The following DCC variants were observed in gnomAD, a reference collection of about 807,000 sequenced individuals.
DCC encodes the protein DCC netrin 1 receptor.
Under a neutral mutation model 172.5 loss-of-function variants are expected in DCC, and 58 were observed. The ratio of observed to expected loss-of-function variants is 0.34; its 90% CI spans 0.27 to 0.42. DCC has a LOEUF of 0.42. DCC is among the 10% of genes least tolerant of loss of function. DCC has a pLI of 1.00. For synonymous variants in DCC, 709 were observed against 644.5 expected (o/e 1.10, Z -1.52); for missense variants, 1,740 against 1,791.0 (o/e 0.97, Z 0.51).
chr18:53,449,764 T>A (rs1331781206), intron 22 of DCC, among the ~76,000 whole-genome samples: 2 of 152,154 alleles, frequency 1.3e-5, no homozygotes, highest in African/African-American at 2.4e-5. Context: ...TTATGCGCCA[T>A]AAACTCACCC....
At chr18:52,474,165 A>G (rs1989023200) in intron 1 of DCC, among the ~76,000 whole-genome samples, 1 of 151,822 alleles carries the variant, frequency 6.6e-6, no homozygotes, top group South Asian at 2.1e-4. Context: ...TTAAGCAGAA[A>G]AGAAATCACT....
intron 1 of DCC, among the ~76,000 whole-genome samples, chr18:52,499,930 T>C (rs2030954168): frequency 6.6e-6 from 1 of 152,102 alleles, no homozygotes; most frequent in African/African-American, 2.4e-5. Context: ...CTGAATGAAT[T>C]AGGGATAAAT....
intron 15 of DCC, among the ~76,000 whole-genome samples, chr18:53,376,240 C>T (rs1054314542): frequency 2.0e-5 from 3 of 151,900 alleles, no homozygotes; most frequent in Admixed American, 6.6e-5. Flanking sequence ...GAAAATCAGC[C>T]GGGCGTGTTG....
chr18:53,246,539 T>A (rs1266034111), intron 12 of DCC, among the ~76,000 whole-genome samples: 5 of 150,742 alleles, frequency 3.3e-5, no homozygotes, highest in Admixed American at 6.6e-5. Flanking sequence ...AAAAAACAGG[T>A]GAATTAAAAG....
intron 1 of DCC, among the ~76,000 whole-genome samples, chr18:52,427,047 A>T (rs1207540620): frequency 6.6e-6 from 1 of 152,132 alleles, no homozygotes; most frequent in African/African-American, 2.4e-5. Context: ...CATGTTCAAG[A>T]TCATAGAACA....
chr18:52,513,781 G>C (rs185465370), intron 1 of DCC, among the ~76,000 whole-genome samples: 148 of 152,220 alleles, frequency 9.7e-4, no homozygotes, highest in Admixed American at 1.6e-3. Flanking sequence ...TCCTCAGTCT[G>C]CTATTAAATA....
intron 1 of DCC, among the ~76,000 whole-genome samples, chr18:52,514,858 T>C (rs938462034): frequency 6.6e-6 from 1 of 152,172 alleles, no homozygotes; most frequent in African/African-American, 2.4e-5. Context: ...ACCCTATCAG[T>C]AAAAATGTTT....
At chr18:52,629,523 A>G (rs1023057313) in intron 1 of DCC, among the ~76,000 whole-genome samples, 1 of 152,182 alleles carries the variant, frequency 6.6e-6, no homozygotes, top group Non-Finnish European at 1.5e-5. Context: ...TAATTTAACA[A>G]GTAAGAGAGG....
chr18:53,166,542 T>C (rs2054924895), intron 8 of DCC, among the ~76,000 whole-genome samples: 1 of 152,142 alleles, frequency 6.6e-6, no homozygotes, highest in East Asian at 1.9e-4. Flanking sequence ...AAAATAAGAA[T>C]TTGAAATCAA....
intron 1 of DCC, among the ~76,000 whole-genome samples, chr18:52,470,292 T>A (rs1410058386): frequency 1.3e-5 from 2 of 152,140 alleles, no homozygotes; most frequent in African/African-American, 4.8e-5. Context: ...AAAAGAACAT[T>A]TTTAGTAGGA....
chr18:53,213,482 T>C (rs1272385572), intron 11 of DCC, among the ~76,000 whole-genome samples: 1 of 151,748 alleles, frequency 6.6e-6, no homozygotes, highest in East Asian at 1.9e-4. Flanking sequence ...ACCCCGTCTC[T>C]ACTAAAAGTG....
chr18:53,030,265 G>A (rs1361325234), intron 5 of DCC, among the ~76,000 whole-genome samples: 1 of 152,128 alleles, frequency 6.6e-6, no homozygotes, highest in Non-Finnish European at 1.5e-5. Flanking sequence ...AGAGATAAAA[G>A]TATAGGAGAT....
intron 5 of DCC, among the ~76,000 whole-genome samples, chr18:53,057,690 T>C (rs2042429599): frequency 6.6e-6 from 1 of 152,128 alleles, no homozygotes; most frequent in South Asian, 2.1e-4. Flanking sequence ...ACTAATACTA[T>C]GTAAATGGAA....
At chr18:53,270,158 G>A (rs1222067736) in intron 12 of DCC, among the ~76,000 whole-genome samples, 3 of 152,082 alleles carry the variant, frequency 2.0e-5, no homozygotes, top group Admixed American at 1.3e-4. Context: ...AAAATTCTGA[G>A]TTTTTATTTT....
chr18:52,649,923 C>T (rs983467021), intron 1 of DCC, among the ~76,000 whole-genome samples: 2 of 150,746 alleles, frequency 1.3e-5, no homozygotes, highest in African/African-American at 4.9e-5. Flanking sequence ...TCTTTCTTTT[C>T]CTTTAGGTAG....
chr18:52,628,636 A>T (rs2144874601), intron 1 of DCC, among the ~76,000 whole-genome samples: 1 of 152,288 alleles, frequency 6.6e-6, no homozygotes, highest in Middle Eastern at 3.4e-3. Flanking sequence ...CCCTACCTCC[A>T]ATTCATAAAT....
chr18:52,963,213 A>AT (rs1036253432), intron 5 of DCC, among the ~76,000 whole-genome samples: 2 of 151,768 alleles, frequency 1.3e-5, no homozygotes, highest in African/African-American at 2.4e-5. Context: ...AGGGATATAG[A>AT]TTTTTTTAAA....
At chr18:52,600,407 G>A (rs1228567221) in intron 1 of DCC, among the ~76,000 whole-genome samples, 2 of 152,036 alleles carry the variant, frequency 1.3e-5, no homozygotes, top group Non-Finnish European at 2.9e-5. Flanking sequence ...TATTATTGTA[G>A]CTTTATTATA....
chr18:53,355,697 A>C lies in DCC; in HGVS notation c.2359+15790A>C, dbSNP rs149600424. Among the ~76,000 whole-genome samples, 56 of 152,296 alleles carry C rather than the reference A, an allele frequency of 3.7e-4. No individual in the cohort carries two copies. In the East Asian group the frequency reaches 0.01, roughly 27 times the overall value. The stretch of plus-strand genomic sequence containing the variant: ...TGAGACAATGGGGTTTTCTAACTAT[A>C]AAATCATGTCATCTGTGAACAGGGA... On this transcript the variant is annotated intron_variant, in intron 15 of 28. Coordinates refer to ENST00000442544, the MANE Select transcript of DCC (RefSeq NM_005215.4).
Sources: gnomAD v4.1 joint callset for allele counts (sites outside exome capture counted in the v4.1 genomes callset) on GRCh38, gnomAD v4.1.1 for gene constraint, MANE v1.5 for transcripts, NCBI Gene and HGNC (gene_info 2026-07-23, HGNC 2026-07-21) for gene names.